Variants in ZSWIM6 observed in about 807,000 individuals in gnomAD.
The protein encoded by ZSWIM6 is zinc finger SWIM-type containing 6.
Under a neutral mutation model 113.2 loss-of-function variants are expected in ZSWIM6, and 9 were observed. The observed-to-expected ratio is 0.08, with a 90% CI of 0.05 to 0.14. ZSWIM6 has a LOEUF of 0.14. Among genes scored for constraint, ZSWIM6 ranks in the 10% least tolerant of loss-of-function variants. The probability of loss-of-function intolerance (pLI) is 1.00; values close to 1 mark genes in which losing one functional copy is unlikely to be tolerated. For synonymous variants in ZSWIM6, 611 were observed against 606.5 expected (o/e 1.01, Z -0.11); for missense variants, 1,162 against 1,552.2 (o/e 0.75, Z 4.22).
At chr5:61,459,283 AT>A (rs1262627243) in intron 1 of ZSWIM6, among the ~76,000 whole-genome samples, 2 of 151,962 alleles carry the variant, frequency 1.3e-5, no homozygotes, top group Non-Finnish European at 2.9e-5. Flanking sequence ...CCAGTAGCTG[AT>A]TTTTTTTCTG....
At chr5:61,458,430 CT>C (rs1747254679) in intron 1 of ZSWIM6, among the ~76,000 whole-genome samples, 1 of 152,148 alleles carries the variant, frequency 6.6e-6, no homozygotes, top group Non-Finnish European at 1.5e-5. Context: ...AGATCCTAAA[CT>C]TTGAAATACT....
chr5:61,473,133 A>G (rs1747614305), intron 2 of ZSWIM6, 96 bp downstream of exon 2: 2 of 793,350 alleles, frequency 2.5e-6, no homozygotes, highest in Non-Finnish European at 3.8e-6. Flanking sequence ...AATGTGAAAT[A>G]GATCATCAGC....
At chr5:61,358,149 T>C (rs1431955852) in intron 1 of ZSWIM6, among the ~76,000 whole-genome samples, 1 of 152,222 alleles carries the variant, frequency 6.6e-6, no homozygotes, top group Non-Finnish European at 1.5e-5. Context: ...TTTTTCCTGT[T>C]CTTTTTGTTT....
intron 4 of ZSWIM6, among the ~76,000 whole-genome samples, chr5:61,501,683 C>T (rs1036256088): frequency 2.0e-5 from 3 of 152,086 alleles, no homozygotes; most frequent in Admixed American, 1.3e-4. Context: ...TGCTTTAAGG[C>T]TCATTGTAAT....
At chr5:61,443,416 T>G (rs1490899107) in intron 1 of ZSWIM6, among the ~76,000 whole-genome samples, 2 of 152,134 alleles carry the variant, frequency 1.3e-5, no homozygotes, top group Non-Finnish European at 2.9e-5. Context: ...CAAAGAAAGT[T>G]AAACACCACT....
At chr5:61,400,715 C>T (rs539548042) in intron 1 of ZSWIM6, among the ~76,000 whole-genome samples, 22 of 152,312 alleles carry the variant, frequency 1.4e-4, no homozygotes, top group African/African-American at 4.8e-4. Context: ...AACCTTTCAT[C>T]TGCTCTGGGA....
rs567276274 is a variant in ZSWIM6 at position 61,381,798 on chromosome 5, C to T, written c.676+48850C>T. On this transcript the variant is annotated intron_variant, in intron 1 of 13. Coordinates refer to ENST00000252744, the MANE Select transcript of ZSWIM6 (RefSeq NM_020928.2). ...TTCATGCAGTGTGGAGTGAATAGAT[C>T]CCTCCAACACAGTGCATTATATAGT... Among the ~76,000 whole-genome samples, 5 of 152,266 alleles carry T rather than the reference C, an allele frequency of 3.3e-5. No homozygotes were observed. The South Asian group carries it at 1.0e-3, about 32-fold the overall frequency.
intron 13 of ZSWIM6, among the ~76,000 whole-genome samples, chr5:61,542,834 G>T (rs1283980321): frequency 1.3e-5 from 2 of 152,132 alleles, no homozygotes. Flanking sequence ...TTCTCTCTGA[G>T]ACCTAGTACC....
In ZSWIM6 at chr5:61,453,055, A is replaced by T. The variant is rs1313034193; in HGVS notation, c.677-19626A>T. On this transcript the variant is annotated intron_variant, in intron 1 of 13. Coordinates refer to ENST00000252744, the MANE Select transcript of ZSWIM6 (RefSeq NM_020928.2). ...TGGAGTGTACTTCTCATTGCATTGT[A>T]TCAGGGAAGTACATGATAGCAACAT... Among the ~76,000 whole-genome samples the T allele has an allele frequency of 6.6e-5, 10 of 152,306 alleles. No individual in the cohort carries two copies. The East Asian group carries it at 1.9e-3, about 29-fold the overall frequency.
intron 1 of ZSWIM6, among the ~76,000 whole-genome samples, chr5:61,464,552 G>C (rs924027602): frequency 2.0e-5 from 3 of 151,984 alleles, no homozygotes; most frequent in African/African-American, 4.8e-5. Context: ...CTGGGCATAG[G>C]GCAAGGCATT....
chr5:61,449,205 A>G (rs1453465118), intron 1 of ZSWIM6, among the ~76,000 whole-genome samples: 3 of 152,204 alleles, frequency 2.0e-5, no homozygotes, highest in South Asian at 2.1e-4. Context: ...GGTTTCTCAT[A>G]CTATTTCTCT....
intron 1 of ZSWIM6, among the ~76,000 whole-genome samples, chr5:61,459,466 T>A (rs1214652618): frequency 6.6e-6 from 1 of 152,204 alleles, no homozygotes; most frequent in Non-Finnish European, 1.5e-5. Flanking sequence ...GTGGAATTTT[T>A]ATGAGATTTT....
chr5:61,520,241 A>G (rs1361774292), intron 4 of ZSWIM6, among the ~76,000 whole-genome samples: 3 of 152,230 alleles, frequency 2.0e-5, no homozygotes, highest in Non-Finnish European at 4.4e-5. Flanking sequence ...AATGATTAAA[A>G]CATAAACAGA....
chr5:61,364,002 CTTTT>C (rs770582090), intron 1 of ZSWIM6, among the ~76,000 whole-genome samples: 6 of 109,936 alleles, frequency 5.5e-5, no homozygotes, highest in Admixed American at 1.1e-4. Context: ...TTCCTTCTTT[CTTTT>C]CTTTTCTTTT....
chr5:61,332,995 TGGGTGG>T, intron 1 of ZSWIM6, 47 bp downstream of exon 1: 1 of 159,054 alleles, frequency 6.3e-6, no homozygotes, highest in South Asian at 1.1e-4. Context: ...CGTCAGTCCC[TGGGTGG>T]GGGGGGGGTG....
intron 1 of ZSWIM6, among the ~76,000 whole-genome samples, chr5:61,454,524 A>G (rs1007404458): frequency 2.7e-5 from 4 of 149,954 alleles, no homozygotes; most frequent in Non-Finnish European, 4.4e-5. Context: ...TGTCCTCCCA[A>G]ATTGCTCGGA....
chr5:61,535,598 A>G lies in ZSWIM6; in HGVS notation c.2360A>G (p.Lys787Arg). 1 of 1,551,342 alleles carries G rather than the reference A, an allele frequency of 6.4e-7. No homozygotes were observed. The highest frequency in any genetic ancestry group is 8.7e-7 in the Non-Finnish European group (1 of 1,146,738). Residue 787 changes from lysine (K) to arginine (R), a missense_variant, in exon 10 of 14, where the codon AAA (lysine) becomes AGA (arginine). Physicochemically the swap from Lys to Arg is conservative, Grantham distance 26. Coordinates refer to ENST00000252744, the MANE Select transcript of ZSWIM6 (RefSeq NM_020928.2). The part of the protein sequence containing the change: ...LLPHDAELAY[K>R]IALRAMRLLV... The stretch of plus-strand genomic sequence containing the variant: ...CCTCACGATGCTGAATTGGCATACA[A>G]AATTGCACTGAGAGCAATGCGGTAT...
chr5:61,531,142 A>G (rs765003428), intron 8 of ZSWIM6, among the ~76,000 whole-genome samples: 4 of 152,112 alleles, frequency 2.6e-5, no homozygotes, highest in Non-Finnish European at 4.4e-5. Context: ...TAATTTTACT[A>G]TTGTGTAATT....
intron 1 of ZSWIM6, among the ~76,000 whole-genome samples, chr5:61,437,858 G>A (rs1746742861): frequency 6.6e-6 from 1 of 151,748 alleles, no homozygotes; most frequent in African/African-American, 2.4e-5. Context: ...ACTATGGTTA[G>A]TAACTTACTA....
Sources: gnomAD v4.1 joint callset for allele counts (sites outside exome capture counted in the v4.1 genomes callset) on GRCh38, gnomAD v4.1.1 for gene constraint, MANE v1.5 for transcripts, NCBI Gene and HGNC (gene_info 2026-07-23, HGNC 2026-07-21) for gene names.